The following MID1 variants were observed in gnomAD, a reference collection of about 807,000 sequenced individuals.
MID1 encodes midline 1.
In MID1, 7 loss-of-function variants were observed where a neutral mutation model predicts 40.4. The ratio of observed to expected loss-of-function variants is 0.17; its 90% CI spans 0.10 to 0.33. The LOEUF (loss-of-function observed/expected upper bound fraction) is 0.33. Among genes scored for constraint, MID1 ranks in the 10% least tolerant of loss-of-function variants. The pLI is 1.00. For synonymous variants in MID1, 229 were observed against 221.2 expected, an observed-to-expected ratio of 1.04 and a Z score of -0.31; for missense variants, 367 against 558.5, an observed-to-expected ratio of 0.66 and a Z score of 3.46.
At chrX:10,455,098 CAG>C (rs757686349) in intron 8 of MID1, 21 bp from the exon 9 acceptor site, 3 of 1,145,052 alleles carry the variant, frequency 2.6e-6, no homozygotes, top group Admixed American at 4.4e-5. Context: ...ATTCACAAAA[CAG>C]AAAAAGGAAG....
chrX:10,663,563 T>C (rs951183891), intron 1 of MID1, among the ~76,000 whole-genome samples: 1 of 111,598 alleles, frequency 9.0e-6, no homozygotes, highest in African/African-American at 3.3e-5. Flanking sequence ...CAGTTGTAGC[T>C]TTAGAGATTG....
chrX:10,768,991 G>C (rs2043748081), intron 1 of MID1, among the ~76,000 whole-genome samples: 1 of 111,675 alleles, frequency 9.0e-6, no homozygotes, highest in Admixed American at 9.5e-5. Flanking sequence ...CACACATGTA[G>C]GAGGGGACAT....
At chrX:10,696,416 T>C (rs2043164103) in intron 1 of MID1, among the ~76,000 whole-genome samples, 1 of 111,598 alleles carries the variant, frequency 9.0e-6, no homozygotes, top group Admixed American at 9.5e-5. Flanking sequence ...GGTCAAACAA[T>C]GTACTTGAAT....
chrX:10,791,109 T>A (rs758724438), intron 1 of MID1, among the ~76,000 whole-genome samples: 3 of 112,650 alleles, frequency 2.7e-5, no homozygotes, highest in African/African-American at 9.7e-5. Context: ...TACAACAGCA[T>A]ATATGAAGGA....
At chrX:10,720,220 C>T (rs190528528) in intron 1 of MID1, among the ~76,000 whole-genome samples, 2 of 111,651 alleles carry the variant, frequency 1.8e-5, no homozygotes, top group Admixed American at 1.9e-4. Context: ...AACTAAAGAG[C>T]TTCTGCACAG....
At chrX:10,771,901 A>G (rs1354734517) in intron 1 of MID1, among the ~76,000 whole-genome samples, 1 of 110,935 alleles carries the variant, frequency 9.0e-6, no homozygotes, top group Non-Finnish European at 1.9e-5. Flanking sequence ...TGGAATAAAA[A>G]TTGCTGGTGG....
At chrX:10,779,989 G>T (rs1400743610) in intron 1 of MID1, among the ~76,000 whole-genome samples, 2 of 108,497 alleles carry the variant, frequency 1.8e-5, no homozygotes, top group Non-Finnish European at 3.8e-5. Context: ...ATGGAGTCTT[G>T]CTCTGTTGCC....
chrX:10,669,315 C>T (rs1332481813), intron 1 of MID1, among the ~76,000 whole-genome samples: 1 of 110,357 alleles, frequency 9.1e-6, no homozygotes, highest in Admixed American at 9.6e-5. Flanking sequence ...ACAAACTTTC[C>T]CTTTCAACAT....
At chrX:10,719,907 A>G (rs2043336814) in intron 1 of MID1, among the ~76,000 whole-genome samples, 1 of 111,591 alleles carries the variant, frequency 9.0e-6, no homozygotes, top group Non-Finnish European at 1.9e-5. Flanking sequence ...ATCTACAACT[A>G]TCTCATCTTT....
chrX:10,733,788 T>C (rs780234023), intron 1 of MID1, among the ~76,000 whole-genome samples: 42 of 112,220 alleles, frequency 3.7e-4, no homozygotes, highest in Admixed American at 1.0e-3. Flanking sequence ...AAAAGACTGT[T>C]ATCACCAAAT....
chrX:10,803,568 G>C (rs1401106076), intron 1 of MID1, among the ~76,000 whole-genome samples: 1 of 110,848 alleles, frequency 9.0e-6, no homozygotes, highest in Non-Finnish European at 1.9e-5. Flanking sequence ...GGTCAGGCTG[G>C]TGTTGAACTC....
chrX:10,459,728 G>A lies in MID1; in HGVS notation c.1365C>T (p.Ser455=), dbSNP rs752455741. Residue 455 remains serine, a synonymous_variant, in exon 8 of 10, where the codon AGC becomes AGT. Coordinates refer to ENST00000317552, the MANE Select transcript of MID1 (RefSeq NM_000381.4). ...TGACCATGAAGATGTACTTGGTGCC[G>A]CTCTGCAGACCGTGCACCGTGTAGT... is the stretch of plus-strand genomic sequence containing the variant. The part of the protein sequence containing the change: ...QNHYTVHGLQ[S]GTKYIFMVKA... 108 of 1,208,830 alleles carry A rather than the reference G, an allele frequency of 8.9e-5. 1 individual carries two copies. In the East Asian group the frequency reaches 2.0e-3, roughly 22 times the overall value.
At chrX:10,677,996 G>C (rs376872895) in intron 1 of MID1, among the ~76,000 whole-genome samples, 1 of 110,752 alleles carries the variant, frequency 9.0e-6, no homozygotes, top group East Asian at 2.8e-4. Context: ...AGGATGAGAT[G>C]AACATACTAG....
At chrX:10,612,347 C>T (rs1015985297) in intron 1 of MID1, among the ~76,000 whole-genome samples, 2 of 111,744 alleles carry the variant, frequency 1.8e-5, no homozygotes, top group Non-Finnish European at 1.9e-5. Flanking sequence ...GAATCACTCA[C>T]CAAATAGCCA....
intron 1 of MID1, among the ~76,000 whole-genome samples, chrX:10,746,219 A>G (rs1480005864): frequency 8.9e-6 from 1 of 111,825 alleles, no homozygotes; most frequent in African/African-American, 3.3e-5. Context: ...TGTGACTAAA[A>G]CACAAGATGT....
intron 1 of MID1, among the ~76,000 whole-genome samples, chrX:10,738,288 G>T (rs758618828): frequency 7.1e-5 from 8 of 112,128 alleles, no homozygotes. Context: ...AAGCCAGGGA[G>T]GGCATGGGTG....
In MID1 at chrX:10,506,701, A is replaced by G. The variant is rs1378681957; in HGVS notation, c.757-11010T>C. ...AGCTCTTACACTAGAGGAGACTACA[A>G]TATAACCATTTTGAGCTCTCATGGA... On this transcript the variant is annotated intron_variant, in intron 3 of 9. Coordinates refer to ENST00000317552, the MANE Select transcript of MID1 (RefSeq NM_000381.4). Among the ~76,000 whole-genome samples the G allele has an allele frequency of 6.3e-5, 7 of 111,758 alleles. 1 individual carries two copies. Among genetic ancestry groups the G allele is most frequent in the Admixed American group, 5.7e-4 (6 of 10,559 alleles).
In MID1 at chrX:10,478,056, T is replaced by C. The variant is rs1435466654; in HGVS notation, c.1014-3306A>G. 6.2e-5 allele frequency among the ~76,000 whole-genome samples: 7 copies of C among 112,306 alleles called. No homozygotes were observed. The East Asian group carries it at 1.9e-3, about 31-fold the overall frequency. Reference sequence around the variant, plus strand: ...AACAGAAGGATCACCTTGAGGAGTCTGAGAACCTCCTAGGTGCTTTGAACA... The same window carrying C: ...AACAGAAGGATCACCTTGAGGAGTCCGAGAACCTCCTAGGTGCTTTGAACA... On this transcript the variant is annotated intron_variant, in intron 5 of 9. Transcript: ENST00000317552.
At chrX:10,526,805 G>A (rs1932843218) in intron 2 of MID1, among the ~76,000 whole-genome samples, 1 of 111,935 alleles carries the variant, frequency 8.9e-6, no homozygotes, top group Non-Finnish European at 1.9e-5. Flanking sequence ...TGTTACTGAA[G>A]TCTGCAAAGA....
Sources: allele counts gnomAD v4.1 joint callset (sites outside exome capture counted in the v4.1 genomes callset), GRCh38; gene constraint gnomAD v4.1.1; transcripts MANE v1.5; gene names NCBI Gene and HGNC (gene_info 2026-07-23, HGNC 2026-07-21).